Variants in SYCP2L observed in about 807,000 individuals in gnomAD.
SYCP2L encodes synaptonemal complex protein 2-like.
In SYCP2L, 98 loss-of-function variants were observed where a neutral mutation model predicts 125.8. That is an observed-to-expected ratio of 0.78 (90% CI 0.66 to 0.92). The LOEUF is 0.92. SYCP2L is among the 40% of genes least tolerant of loss of function. The probability of loss-of-function intolerance (pLI) is 0.00; values close to 1 mark genes in which losing one functional copy is unlikely to be tolerated. For missense variants in SYCP2L, 842 were observed against 936.4 expected (o/e 0.90, Z 1.32); for synonymous variants, 317 against 325.4 (o/e 0.97, Z 0.28).
intron 28 of SYCP2L, among the ~76,000 whole-genome samples, chr6:10,962,764 T>C (rs898716819): frequency 6.6e-6 from 1 of 152,228 alleles, no homozygotes; most frequent in East Asian, 1.9e-4. Flanking sequence ...TGCAAATCTC[T>C]TTACTGTCTG....
intron 26 of SYCP2L, 91 bp downstream of exon 26, chr6:10,958,966 G>A (rs1197371294): frequency 1.0e-5 from 11 of 1,069,920 alleles, no homozygotes; most frequent in Non-Finnish European, 1.4e-5. Context: ...GCCCTGAGGA[G>A]TTGGGGCCTG....
intron 10 of SYCP2L, 87 bp from the exon 11 acceptor site, chr6:10,910,061 C>A: frequency 9.3e-7 from 1 of 1,074,634 alleles, no homozygotes; most frequent in Admixed American, 2.1e-5. Flanking sequence ...CATTTAGAAG[C>A]AAACACTGGC....
intron 19 of SYCP2L, 29 bp downstream of exon 19, chr6:10,930,543 A>G (rs1157609718): frequency 1.9e-6 from 3 of 1,594,384 alleles, no homozygotes; most frequent in Non-Finnish European, 2.6e-6. Flanking sequence ...CTTTTGAATC[A>G]CTTTTCAAAT....
intron 8 of SYCP2L, among the ~76,000 whole-genome samples, chr6:10,905,486 T>C (rs1780472860): frequency 6.6e-6 from 1 of 152,050 alleles, no homozygotes; most frequent in African/African-American, 2.4e-5. Context: ...GAGATGGGGT[T>C]TCTCCATGTT....
chr6:10,961,722 G>T (rs753607789), intron 28 of SYCP2L, among the ~76,000 whole-genome samples, 164 bp downstream of exon 28: 1 of 152,100 alleles, frequency 6.6e-6, no homozygotes, highest in Non-Finnish European at 1.5e-5. Context: ...GACAGAGTGC[G>T]GCTAATGATA....
chr6:10,889,292 G>C (rs1780135627), intron 1 of SYCP2L, among the ~76,000 whole-genome samples: 1 of 152,018 alleles, frequency 6.6e-6, no homozygotes, highest in Non-Finnish European at 1.5e-5. Context: ...TATATTAATT[G>C]ACACATAGTA....
rs1357343415 is a variant in SYCP2L, at chr6:10,954,356, G to A, written c.1955-760G>A. Among the ~76,000 whole-genome samples the A allele has an allele frequency of 6.6e-6, 1 of 152,182 alleles. No individual in the cohort carries two copies. The highest frequency in any genetic ancestry group is 2.4e-5 in the African/African-American group (1 of 41,446). On this transcript the variant is annotated intron_variant, in intron 23 of 29. Transcript: ENST00000283141. The surrounding 1 kb of genome is among the most constrained non-coding windows in gnomAD (Gnocchi z 4.8). ...AGAGATTTGGAAGTGACAATTGAAG[G>A]TGAAGGATTGACGATTTCCTCTAGG...
intron 21 of SYCP2L, among the ~76,000 whole-genome samples, chr6:10,941,480 T>A (rs1426627339): frequency 2.0e-5 from 3 of 152,160 alleles, no homozygotes; most frequent in South Asian, 2.1e-4. Flanking sequence ...CATCCAAAAG[T>A]GGGCAAAGGA....
At chr6:10,933,161 T>A (rs754548235) in intron 20 of SYCP2L, among the ~76,000 whole-genome samples, 1 of 152,248 alleles carries the variant, frequency 6.6e-6, no homozygotes, top group African/African-American at 2.4e-5. Context: ...TTCAAAAATA[T>A]ACTTCTCTCT....
chr6:10,906,005 A>G lies in SYCP2L; in HGVS notation c.642-15A>G. 1 of 1,588,340 alleles carries G rather than the reference A, an allele frequency of 6.3e-7. No individual in the cohort carries two copies. Among genetic ancestry groups the G allele is most frequent in the Non-Finnish European group, 8.6e-7 (1 of 1,160,238 alleles). On this transcript the variant is annotated splice_polypyrimidine_tract_variant and intron_variant, in intron 8 of 29. Transcript: ENST00000283141. ...TGTTCACTTCAGTTAAATGTGATTT[A>G]TCTAAATGTTTCAGGAAAGACCTTG...
At chr6:10,966,015 A>G (rs1781670120) in intron 29 of SYCP2L, among the ~76,000 whole-genome samples, 1 of 152,186 alleles carries the variant, frequency 6.6e-6, no homozygotes, top group Non-Finnish European at 1.5e-5. Flanking sequence ...TGGGAGGCTG[A>G]GGCAGGAGAA....
intron 14 of SYCP2L, among the ~76,000 whole-genome samples, chr6:10,919,920 C>T (rs113948118): frequency 2.2e-4 from 33 of 152,276 alleles, no homozygotes; most frequent in African/African-American, 6.3e-4. Context: ...CTCACTCCCA[C>T]GGTACCCCCC....
rs550801852 is a variant in SYCP2L at position 10,946,821 on chromosome 6, G to A, written c.1954+4075G>A. ...AATTTGTCTAAGTAAGTCTAAATAC[G>A]TCTAAGATAAACCTTTTTGTTTATC... On this transcript the variant is annotated intron_variant, in intron 23 of 29. Transcript: ENST00000283141. Among the ~76,000 whole-genome samples the A allele has an allele frequency of 8.0e-5, 12 of 150,876 alleles. No homozygotes were observed. In the East Asian group the frequency reaches 1.4e-3, roughly 17 times the overall value.
At chr6:10,969,718 A>G (rs754507336) in intron 29 of SYCP2L, among the ~76,000 whole-genome samples, 2 of 152,118 alleles carry the variant, frequency 1.3e-5, no homozygotes, top group Non-Finnish European at 2.9e-5. Context: ...GCAATAATAT[A>G]TATTACAAAC....
rs147739703 is a variant in SYCP2L, at chr6:10,961,521, G to A, written c.2377G>A (p.Ala793Thr). 1 of 1,614,140 alleles carries A rather than the reference G, an allele frequency of 6.2e-7. No individual in the cohort carries two copies. Among genetic ancestry groups the A allele is most frequent in the East Asian group, 2.2e-5 (1 of 44,884 alleles). The change falls in exon 28 of 30, where the codon GCT becomes ACT. Residue 793 changes from alanine to threonine, a missense_variant. Physicochemically the swap from Ala to Thr is moderately conservative, Grantham distance 58. Transcript: ENST00000283141. Reference sequence around the variant, plus strand: ...TTAGGAATTCTGGGGGAAACAGTCTGCTGATCTGCAATCTTTCTGTGATCT... The same window carrying A: ...TTAGGAATTCTGGGGGAAACAGTCTACTGATCTGCAATCTTTCTGTGATCT... ...EVLEFWGKQS[A>T]DLQSFCDLQV...
chr6:10,918,560 CAG>C (rs1327272455), intron 14 of SYCP2L, among the ~76,000 whole-genome samples: 1 of 151,430 alleles, frequency 6.6e-6, no homozygotes, highest in South Asian at 2.1e-4. Flanking sequence ...TTTTTTGAGA[CAG>C]AGTCTCGCTC....
intron 4 of SYCP2L, among the ~76,000 whole-genome samples, chr6:10,897,019 C>G (rs547958846): frequency 6.3e-4 from 95 of 150,778 alleles, no homozygotes; most frequent in Non-Finnish European, 1.2e-3. Context: ...TAATTTCTAA[C>G]TATGCATGCG....
chr6:10,924,970 T>C (rs1489551241), intron 15 of SYCP2L, among the ~76,000 whole-genome samples: 1 of 152,184 alleles, frequency 6.6e-6, no homozygotes, highest in Non-Finnish European at 1.5e-5. Context: ...TTTCTGTCTC[T>C]CTCAGCTCCC....
At chr6:10,936,562 TAACA>T (rs1781099065) in intron 21 of SYCP2L, among the ~76,000 whole-genome samples, 1 of 151,646 alleles carries the variant, frequency 6.6e-6, no homozygotes, top group Non-Finnish European at 1.5e-5. Context: ...TACAAAAGAG[TAACA>T]ATCAACAAAA....
Sources: gnomAD v4.1 joint callset for allele counts (sites outside exome capture counted in the v4.1 genomes callset) on GRCh38, gnomAD v4.1.1 for gene constraint, Gnocchi (gnomAD v3.1) non-coding constraint, MANE v1.5 for transcripts, NCBI Gene and HGNC (gene_info 2026-07-23, HGNC 2026-07-21) for gene names.